STK3: variants seen among roughly 807,000 people sequenced by gnomAD.
STK3 encodes serine/threonine kinase 3.
In STK3, 41 loss-of-function variants were observed where a neutral mutation model predicts 58.0. The observed-to-expected ratio is 0.71, with a 90% CI of 0.55 to 0.92. The LOEUF is 0.92. Ranked by LOEUF, STK3 falls within the 40% of genes least tolerant of loss-of-function variation. The pLI is 0.00. For missense variants in STK3, 479 were observed against 602.7 expected (o/e 0.79, Z 2.15); for synonymous variants, 170 against 191.0 (o/e 0.89, Z 0.91).
intron 4 of STK3, among the ~76,000 whole-genome samples, chr8:98,743,756 A>G (rs1212377064): frequency 9.2e-5 from 14 of 151,706 alleles, no homozygotes; most frequent in South Asian, 2.1e-4. Flanking sequence ...AAACTAAAGA[A>G]CTTCTGCACA....
At chr8:98,374,689 C>G (rs1260439528) in intron 2 of STK3, among the ~76,000 whole-genome samples, 2 of 149,144 alleles carry the variant, frequency 1.3e-5, no homozygotes, top group African/African-American at 5.2e-5. Flanking sequence ...ACTAAACCTT[C>G]TCCTAGAATT....
At chr8:98,505,305 C>T (rs371019454) in intron 10 of STK3, among the ~76,000 whole-genome samples, 27 of 152,238 alleles carry the variant, frequency 1.8e-4, no homozygotes, top group African/African-American at 4.8e-4. Flanking sequence ...CTTTTTTCAA[C>T]GCTTTTAGCT....
chr8:98,737,309 C>G (rs944047090), intron 4 of STK3, among the ~76,000 whole-genome samples: 5 of 152,068 alleles, frequency 3.3e-5, no homozygotes, highest in African/African-American at 9.7e-5. Flanking sequence ...AATGAGTAAA[C>G]CAGTATCTGA....
intron 4 of STK3, among the ~76,000 whole-genome samples, chr8:98,711,781 G>A (rs1826474341): frequency 6.6e-6 from 1 of 152,098 alleles, no homozygotes; most frequent in Admixed American, 6.5e-5. Flanking sequence ...GAAATACAGA[G>A]AACGCCACAA....
At chr8:98,782,510 C>A in intron 1 of STK3, 1 of 308,026 alleles carries the variant, frequency 3.2e-6, no homozygotes, top group South Asian at 3.6e-5. Context: ...CCTGGCTGAC[C>A]AGGCAGAGGC....
At chr8:98,435,415 C>A (rs1818451585) in intron 2 of STK3, among the ~76,000 whole-genome samples, 1 of 152,172 alleles carries the variant, frequency 6.6e-6, no homozygotes, top group Admixed American at 6.5e-5. Context: ...ATCTGAAGAG[C>A]CTGAGCTTCA....
chr8:98,680,519 G>A (rs1563882638), intron 6 of STK3, among the ~76,000 whole-genome samples: 1 of 152,180 alleles, frequency 6.6e-6, no homozygotes, highest in Non-Finnish European at 1.5e-5. Flanking sequence ...CACCGCAGCA[G>A]CATAACTTAC....
At chr8:98,355,488 G>A in the STK3 span, among the ~76,000 whole-genome samples, 7 of 152,204 alleles carry the variant, frequency 4.6e-5, no homozygotes, top group Admixed American at 1.3e-4. Context: ...AAACTGGGTC[G>A]AGGAGGGCTG....
chr8:98,462,017 G>T (rs1339964808), intron 10 of STK3, among the ~76,000 whole-genome samples: 3 of 151,762 alleles, frequency 2.0e-5, no homozygotes, highest in Non-Finnish European at 4.4e-5. Context: ...ATACTGGCAT[G>T]CAATTGTGAA....
At chr8:98,397,761 C>T (rs116944582), downstream of STK3, among the ~76,000 whole-genome samples, 3,872 of 152,148 alleles carry the variant, frequency 0.025, 83 homozygotes, top group South Asian at 0.052. Flanking sequence ...TTCTCCCATG[C>T]TGTTCTCATG....
At chr8:98,568,098 T>C (rs756162015) in intron 8 of STK3, among the ~76,000 whole-genome samples, 1 of 151,870 alleles carries the variant, frequency 6.6e-6, no homozygotes, top group African/African-American at 2.4e-5. Flanking sequence ...GATAGATAGA[T>C]AGATAGATAG....
intron 3 of STK3, among the ~76,000 whole-genome samples, chr8:98,832,922 T>C (rs1835594370): frequency 6.6e-6 from 1 of 152,178 alleles, no homozygotes; most frequent in Admixed American, 6.5e-5. Context: ...GTAGGAAAAG[T>C]CTATTCCAGA....
At position 98,800,848 on chromosome 8, in the gene STK3, GCC is replaced by G. The variant is rs1019198730; in HGVS notation, c.26+24665_26+24666del. Among the ~76,000 whole-genome samples, 1 of 152,202 alleles carries G rather than the reference GCC, an allele frequency of 6.6e-6. No homozygotes were observed. ...CACAGGGCAGGGCTCAGGACCTGCA[GCC>G]CCCCATGCCAGAGCCCCCCCCACCA... On this transcript the variant is annotated intron_variant, in intron 1 of 10. Transcript: ENST00000419617. The surrounding 1 kb of genome is among the most constrained non-coding windows in gnomAD (Gnocchi z 4.8).
chr8:98,896,257 G>T (rs1838441422), intron 1 of STK3, among the ~76,000 whole-genome samples: 1 of 152,150 alleles, frequency 6.6e-6, no homozygotes, highest in South Asian at 2.1e-4. Context: ...AAATTCACGA[G>T]AGAAAATTCT....
intron 1 of STK3, among the ~76,000 whole-genome samples, chr8:98,936,172 C>T (rs988127374): frequency 6.6e-6 from 1 of 152,172 alleles, no homozygotes; most frequent in African/African-American, 2.4e-5. Context: ...CCTACCTCAG[C>T]CTCCCAAAGT....
At chr8:98,552,465 C>G (rs894279736) in intron 8 of STK3, among the ~76,000 whole-genome samples, 1 of 152,124 alleles carries the variant, frequency 6.6e-6, no homozygotes, top group African/African-American at 2.4e-5. Flanking sequence ...TTCTTGCTCA[C>G]CAAGCTCTAA....
rs759938325 is a variant in STK3, at chr8:98,800,984, G to A, written c.26+24531C>T. ...GCTGAGGAGTGCAGGCGCACAGTGCGGGACTGGCAGGCAGCTCCACCCGTG... is the reference window on the plus strand; with the variant it reads ...GCTGAGGAGTGCAGGCGCACAGTGCAGGACTGGCAGGCAGCTCCACCCGTG... On this transcript the variant is annotated intron_variant, in intron 1 of 10. Transcript: ENST00000419617. The surrounding 1 kb of genome is among the most constrained non-coding windows in gnomAD (Gnocchi z 4.8). 2.6e-5 allele frequency among the ~76,000 whole-genome samples: 4 copies of A among 152,212 alleles called. No individual in the cohort carries two copies. Among genetic ancestry groups the A allele is most frequent in the East Asian group, 1.9e-4 (1 of 5,184 alleles).
At chr8:98,613,655 G>A (rs919912048) in intron 6 of STK3, among the ~76,000 whole-genome samples, 3 of 150,680 alleles carry the variant, frequency 2.0e-5, no homozygotes, top group African/African-American at 7.3e-5. Context: ...TAAAAAAAAA[G>A]AAAACAGAAA....
chr8:98,658,854 C>G (rs1378610288), intron 6 of STK3, among the ~76,000 whole-genome samples: 1 of 151,994 alleles, frequency 6.6e-6, no homozygotes, highest in Admixed American at 6.6e-5. Context: ...AAAAATGGGT[C>G]AAACACACTG....
Sources: allele counts gnomAD v4.1 joint callset (sites outside exome capture counted in the v4.1 genomes callset), GRCh38; gene constraint gnomAD v4.1.1; non-coding constraint Gnocchi (gnomAD v3.1); transcripts MANE v1.5; gene names NCBI Gene and HGNC (gene_info 2026-07-23, HGNC 2026-07-21).